The following GPC6 variants were observed in gnomAD, a reference collection of about 807,000 sequenced individuals.
GPC6 encodes the protein glypican-6.
GPC6 carries 14 observed loss-of-function variants against 55.2 expected under a neutral mutation model. The ratio of observed to expected loss-of-function variants is 0.25; its 90% CI spans 0.17 to 0.40. The LOEUF (loss-of-function observed/expected upper bound fraction) is 0.40, where lower values mean the gene tolerates loss of function less well. Ranked by LOEUF, GPC6 falls within the 10% of genes least tolerant of loss-of-function variation. GPC6 has a pLI of 1.00. For synonymous variants in GPC6, 278 were observed against 259.6 expected, an observed-to-expected ratio of 1.07 and a Z score of -0.68; for missense variants, 641 against 708.5, an observed-to-expected ratio of 0.90 and a Z score of 1.08.
intron 3 of GPC6, among the ~76,000 whole-genome samples, chr13:94,008,486 C>A (rs186135148): frequency 2.6e-4 from 40 of 152,194 alleles, no homozygotes; most frequent in African/African-American, 9.2e-4. Flanking sequence ...TGGTGACACC[C>A]TGTCTCTATA....
intron 3 of GPC6, among the ~76,000 whole-genome samples, chr13:93,972,336 C>G (rs1026424703): frequency 1.3e-5 from 2 of 152,094 alleles, no homozygotes; most frequent in African/African-American, 4.8e-5. Flanking sequence ...GGATCGACAG[C>G]CCTTGCATAT....
chr13:93,448,157 T>C (rs1362397647), intron 1 of GPC6, among the ~76,000 whole-genome samples: 1 of 152,194 alleles, frequency 6.6e-6, no homozygotes, highest in Non-Finnish European at 1.5e-5. Context: ...ATTACAGACA[T>C]GTGCTTCATA....
intron 2 of GPC6, among the ~76,000 whole-genome samples, chr13:93,617,558 T>A (rs1046977208): frequency 6.6e-6 from 1 of 152,074 alleles, no homozygotes; most frequent in Admixed American, 6.6e-5. Context: ...CGGACACACA[T>A]ACATGAAACT....
intron 1 of GPC6, among the ~76,000 whole-genome samples, chr13:93,446,133 C>A (rs1347154169): frequency 6.6e-6 from 1 of 152,092 alleles, no homozygotes; most frequent in African/African-American, 2.4e-5. Flanking sequence ...TTCAATTGTA[C>A]ATATATTTTT....
chr13:94,208,215 A>G (rs1566544433), intron 4 of GPC6, among the ~76,000 whole-genome samples: 1 of 152,212 alleles, frequency 6.6e-6, no homozygotes, highest in Non-Finnish European at 1.5e-5. Context: ...ATTTCTGCAA[A>G]AGGCTCTAAC....
At chr13:94,383,682 T>C (rs929844454) in intron 7 of GPC6, among the ~76,000 whole-genome samples, 1 of 152,224 alleles carries the variant, frequency 6.6e-6, no homozygotes, top group Admixed American at 6.5e-5. Context: ...GTGTTATTTC[T>C]TACCCTGCTG....
At chr13:93,389,281 A>C (rs1875522594) in intron 1 of GPC6, among the ~76,000 whole-genome samples, 1 of 152,042 alleles carries the variant, frequency 6.6e-6, no homozygotes, top group African/African-American at 2.4e-5. Flanking sequence ...GCAGATCACG[A>C]GGTCAGGAGA....
At chr13:93,652,634 T>C (rs1488474360) in intron 2 of GPC6, among the ~76,000 whole-genome samples, 1 of 152,208 alleles carries the variant, frequency 6.6e-6, no homozygotes, top group Non-Finnish European at 1.5e-5. Context: ...TCCATTTCTA[T>C]AGGAGAAACT....
At chr13:94,228,721 G>A (rs1342808843) in intron 4 of GPC6, among the ~76,000 whole-genome samples, 1 of 151,376 alleles carries the variant, frequency 6.6e-6, no homozygotes, top group Non-Finnish European at 1.5e-5. Flanking sequence ...TGGAAAGACC[G>A]ATGGCCTGAA....
intron 2 of GPC6, among the ~76,000 whole-genome samples, chr13:93,744,403 G>A (rs1566513784): frequency 6.6e-6 from 1 of 151,722 alleles, no homozygotes; most frequent in Admixed American, 6.6e-5. Flanking sequence ...CCACTTCTTA[G>A]TGCCCACTGA....
chr13:93,868,715 A>G (rs966052036), intron 3 of GPC6, among the ~76,000 whole-genome samples: 1 of 151,826 alleles, frequency 6.6e-6, no homozygotes, highest in African/African-American at 2.4e-5. Flanking sequence ...TTTTCATACT[A>G]TTAATATTAT....
At chr13:93,872,523 C>T (rs973543459) in intron 3 of GPC6, among the ~76,000 whole-genome samples, 9 of 151,924 alleles carry the variant, frequency 5.9e-5, no homozygotes, top group African/African-American at 1.7e-4. Context: ...CTCAGTGCTG[C>T]GATTCTTCTT....
chr13:93,833,326 A>G (rs1190664099), intron 3 of GPC6, among the ~76,000 whole-genome samples: 1 of 152,092 alleles, frequency 6.6e-6, no homozygotes, highest in East Asian at 1.9e-4. Flanking sequence ...TACTATGATG[A>G]TTTTCAACAC....
chr13:93,875,542 A>C (rs2140305174), intron 3 of GPC6, among the ~76,000 whole-genome samples: 1 of 152,200 alleles, frequency 6.6e-6, no homozygotes, highest in African/African-American at 2.4e-5. Flanking sequence ...CCATGCACAA[A>C]GGTAAGATGC....
chr13:93,744,234 T>C (rs1471271670), intron 2 of GPC6, among the ~76,000 whole-genome samples: 1 of 152,210 alleles, frequency 6.6e-6, no homozygotes, highest in African/African-American at 2.4e-5. Context: ...GGCCAGTGTT[T>C]TTCCTGACCT....
At chr13:93,449,442 C>T (rs1367085096) in intron 1 of GPC6, among the ~76,000 whole-genome samples, 3 of 152,140 alleles carry the variant, frequency 2.0e-5, no homozygotes, top group African/African-American at 7.2e-5. Context: ...TGATTGTTGG[C>T]TGGGTTAGTC....
chr13:93,862,101 ATTTGGT>A (rs1402620983), intron 3 of GPC6, among the ~76,000 whole-genome samples: 1 of 151,602 alleles, frequency 6.6e-6, no homozygotes, highest in Non-Finnish European at 1.5e-5. Context: ...TTTTTGTGCA[ATTTGGT>A]TTTCAGAAAT....
chr13:94,172,233 CTTT>C (rs924426058), intron 4 of GPC6, among the ~76,000 whole-genome samples: 1 of 149,046 alleles, frequency 6.7e-6, no homozygotes, highest in East Asian at 2.0e-4. Context: ...TCACTGAAAT[CTTT>C]TTTTTTTCCC....
intron 4 of GPC6, among the ~76,000 whole-genome samples, chr13:94,136,515 C>T (rs1014729319): frequency 4.6e-5 from 7 of 152,086 alleles, no homozygotes; most frequent in African/African-American, 1.7e-4. Context: ...TCGAGACCAT[C>T]CTGGCTAACA....
Sources: allele counts gnomAD v4.1 joint callset (sites outside exome capture counted in the v4.1 genomes callset), GRCh38; gene constraint gnomAD v4.1.1; transcripts MANE v1.5; gene names NCBI Gene and HGNC (gene_info 2026-07-23, HGNC 2026-07-21).